The following MYH14 variants were observed in gnomAD, a reference collection of about 807,000 sequenced individuals.
MYH14 encodes the protein myosin heavy chain 14, also known as myosin-14.
MYH14 carries 123 observed loss-of-function variants against 255.5 expected under a neutral mutation model. The observed-to-expected ratio is 0.48, with a 90% CI of 0.42 to 0.56. MYH14 has a LOEUF of 0.56. Among genes scored for constraint, MYH14 ranks in the 20% least tolerant of loss-of-function variants. The pLI, the probability that MYH14 is intolerant of heterozygous loss-of-function variation, is 0.00. For missense variants in MYH14, 2,423 were observed against 2,802.3 expected (o/e 0.86, Z 3.06); for synonymous variants, 1,095 against 1,161.2 (o/e 0.94, Z 1.16).
chr19:50,210,226 A>T, intron 1 of MYH14, 137 bp from the exon 2 acceptor site: 1 of 714,090 alleles, frequency 1.4e-6, no homozygotes, highest in Non-Finnish European at 2.2e-6. Flanking sequence ...TGGGTCTGTT[A>T]ACCCACTTTG....
At position 50,261,485 on chromosome 19, in the gene MYH14, TG is replaced by T; in HGVS notation, c.2437del (p.Glu813AsnfsTer30). The T allele has an allele frequency of 7.4e-7, 1 of 1,343,482 alleles. No homozygotes were observed. Among genetic ancestry groups the T allele is most frequent in the Non-Finnish European group, 9.6e-7 (1 of 1,036,358 alleles). 83.2% of individuals were successfully genotyped at this position (1,343,482 alleles called of 1,614,324 possible). On this transcript the variant is annotated frameshift_variant, in exon 21 of 43. Coordinates refer to ENST00000642316, the MANE Select transcript of MYH14 (RefSeq NM_001145809.2). LOFTEE classifies it high-confidence loss of function. ...TCCCACCCCTCACAGATCCAGGCGC[TG>T]GAACTGGACCCCAACCTCTACCGCG... ...KQACEKMIQA[L>X]ELDPNLYRVG...
rs747712174 is a variant in MYH14 at position 50,293,724 on chromosome 19, C to G, written c.5469+37C>G. The G allele has an allele frequency of 6.6e-7, 1 of 1,522,386 alleles. No individual in the cohort carries two copies. The allele number at this position is 1,522,386 out of a possible 1,614,324, so 94.3% of individuals were successfully genotyped here. A position where few individuals can be genotyped will look rare whatever the true frequency, so the allele number is the denominator to read the frequency against. On this transcript the variant is annotated intron_variant, in intron 39 of 42. Coordinates refer to ENST00000642316, the MANE Select transcript of MYH14 (RefSeq NM_001145809.2). The surrounding 1 kb of genome is among the most constrained non-coding windows in gnomAD (Gnocchi z 4.1). ...TGACCGCCCCCACCAGCCTCAGTCC[C>G]CATTGACCTGGGACCGTAACCTTCA...
Position 50,230,133 on chromosome 19 carries a change from G to C in MYH14, c.875-392G>C, listed in dbSNP as rs2033302300. ...TTGCCATGTTGGCCAGGCTGGTCTT[G>C]AACTCCTGACCTCAGGTGATCCGCC... On this transcript the variant is annotated intron_variant, in intron 8 of 42. Coordinates refer to ENST00000642316, the MANE Select transcript of MYH14 (RefSeq NM_001145809.2). This position sits in a 1 kb window ranked among gnomAD's most constrained non-coding sequence, Gnocchi z 4.7. Among the ~76,000 whole-genome samples, 1 of 152,176 alleles carries C rather than the reference G, an allele frequency of 6.6e-6. No individual in the cohort carries two copies. The highest frequency in any genetic ancestry group is 6.5e-5 in the Admixed American group (1 of 15,270).
intron 16 of MYH14, among the ~76,000 whole-genome samples, chr19:50,253,720 T>G (rs768497352): frequency 2.0e-5 from 3 of 152,150 alleles, no homozygotes; most frequent in African/African-American, 4.8e-5. Flanking sequence ...GTGGTAGGAC[T>G]CTGACCTTTT....
At chr19:50,226,686 G>A (rs1354357817) in intron 7 of MYH14, among the ~76,000 whole-genome samples, 1 of 152,136 alleles carries the variant, frequency 6.6e-6, no homozygotes, top group African/African-American at 2.4e-5. Context: ...TGGGGACCAG[G>A]GGGCTGGGGA....
At position 50,280,261 on chromosome 19, in the gene MYH14, T is replaced by C. The variant is rs1295747993; in HGVS notation, c.4168T>C (p.Leu1390=). The change falls in exon 32 of 43, where the codon TTG becomes CTG. Residue 1390 remains leucine, a synonymous_variant. Coordinates refer to ENST00000642316, the MANE Select transcript of MYH14 (RefSeq NM_001145809.2). This position sits in a 1 kb window ranked among gnomAD's most constrained non-coding sequence, Gnocchi z 4.8. ...GCTGCAGGAGGAGACCAGGGCGAAA[T>C]TGGCCTTGGGGTCCCGGGTGCGAGC... ...ELLQEETRAK[L]ALGSRVRAME... The C allele has an allele frequency of 3.2e-6, 5 of 1,551,572 alleles. No homozygotes were observed. Among genetic ancestry groups the C allele is most frequent in the East Asian group, 2.4e-5 (1 of 40,934 alleles).
At chr19:50,260,811 G>A (rs1187415300) in intron 20 of MYH14, 96 bp downstream of exon 20, 13 of 873,180 alleles carry the variant, frequency 1.5e-5, no homozygotes, top group East Asian at 5.7e-5. Flanking sequence ...GTGTGCATGC[G>A]TGTGTGTGCA....
At chr19:50,243,087 C>T (rs909358842) in intron 10 of MYH14, among the ~76,000 whole-genome samples, 22 of 152,098 alleles carry the variant, frequency 1.4e-4, no homozygotes, top group African/African-American at 4.1e-4. Flanking sequence ...GAGTTCTGTG[C>T]GAATGAGTCA....
Position 50,268,253 on chromosome 19 carries a change from C to CT in MYH14, c.2919_2920insT (p.Arg974SerfsTer45). The CT allele has an allele frequency of 6.4e-7, 1 of 1,571,428 alleles. No homozygotes were observed. The highest frequency in any genetic ancestry group is 8.6e-7 in the Non-Finnish European group (1 of 1,159,026). On this transcript the variant is annotated frameshift_variant, in exon 24 of 43. Transcript: ENST00000642316. LOFTEE classifies it high-confidence loss of function. ...AGGAGACGCGGGGGAGGCTGGCAGCCCGCAAGCAGGAGCTGGAGCTGGTGG... is the reference window on the plus strand; with the variant it reads ...AGGAGACGCGGGGGAGGCTGGCAGCCTCGCAAGCAGGAGCTGGAGCTGGTGG...
chr19:50,244,180 G>T, intron 10 of MYH14, 62 bp from the exon 11 acceptor site: 6 of 1,432,168 alleles, frequency 4.2e-6, no homozygotes, highest in Non-Finnish European at 9.8e-7. Flanking sequence ...TGTTTAAGGG[G>T]CCAGTTAAGA....
rs959759669 is a variant in MYH14, at chr19:50,261,610, G to A, written c.2560G>A (p.Ala854Thr). 6.2e-7 allele frequency: 1 copy of A among 1,601,480 alleles called. No individual in the cohort carries two copies. Among genetic ancestry groups the A allele is most frequent in the Non-Finnish European group, 8.5e-7 (1 of 1,175,178 alleles). ...VTDIIVSFQAAARGYLARRAF... is the reference protein window; with the variant it reads ...VTDIIVSFQATARGYLARRAF... Reference sequence around the variant, plus strand: ...CGACATCATCGTCTCCTTCCAGGCAGCTGCCCGGGGATACCTGGCTCGCAG... The same window carrying A: ...CGACATCATCGTCTCCTTCCAGGCAACTGCCCGGGGATACCTGGCTCGCAG... The change falls in exon 21 of 43, where the codon GCT becomes ACT. Residue 854 changes from alanine to threonine, a missense_variant. This residue lies in a region of MYH14 where 1,513 missense variants were observed against 1,674.8 expected (regional missense o/e 0.90). Transcript: ENST00000642316.
chr19:50,224,091 G>C, intron 5 of MYH14, 63 bp from the exon 6 acceptor site: 1 of 1,416,304 alleles, frequency 7.1e-7, no homozygotes, highest in Non-Finnish European at 9.9e-7. Flanking sequence ...GTTCACCTGT[G>C]TGTCTGTCCA....
Position 50,276,671 on chromosome 19 carries a change from T to A in MYH14, c.3681-86T>A. Reference sequence around the variant, plus strand: ...GAGGCCCTCATATTTTAAGGAAACATGAAAAGGAGAAACAACCAGCTCCCC... The same window carrying A: ...GAGGCCCTCATATTTTAAGGAAACAAGAAAAGGAGAAACAACCAGCTCCCC... On this transcript the variant is annotated intron_variant, in intron 28 of 42. Transcript: ENST00000642316. The surrounding 1 kb of genome is among the most constrained non-coding windows in gnomAD (Gnocchi z 4.3). 6.4e-7 allele frequency: 1 copy of A among 1,560,686 alleles called. No homozygotes were observed. Among genetic ancestry groups the A allele is most frequent in the Non-Finnish European group, 8.8e-7 (1 of 1,135,506 alleles).
At chr19:50,274,151 T>C (rs1374031896) in intron 27 of MYH14, among the ~76,000 whole-genome samples, 2 of 152,242 alleles carry the variant, frequency 1.3e-5, no homozygotes, top group African/African-American at 4.8e-5. Context: ...CGGATGTTTC[T>C]GTTACTACTT....
chr19:50,235,780 C>G (rs1205102079), intron 10 of MYH14, among the ~76,000 whole-genome samples: 1 of 151,906 alleles, frequency 6.6e-6, no homozygotes, highest in Non-Finnish European at 1.5e-5. Flanking sequence ...GAGACCCCAT[C>G]TCAAAACACC....
chr19:50,284,787 C>T (rs903230008), intron 33 of MYH14: 1 of 152,008 alleles, frequency 6.6e-6, no homozygotes, highest in African/African-American at 2.4e-5. Context: ...GCTATCATGG[C>T]TCCATGTTAA....
intron 39 of MYH14, among the ~76,000 whole-genome samples, chr19:50,300,383 G>A (rs2036438429): frequency 6.6e-6 from 1 of 152,146 alleles, no homozygotes; most frequent in Non-Finnish European, 1.5e-5. Flanking sequence ...AATAAAACTA[G>A]CAGAATATTT....
At chr19:50,207,324 G>A (rs2031864144) in intron 1 of MYH14, among the ~76,000 whole-genome samples, 1 of 94,316 alleles carries the variant, frequency 1.1e-5, no homozygotes, top group Admixed American at 1.1e-4. Context: ...ACTAGGGGCA[G>A]ACTTCTTTAG....
chr19:50,309,345 T>C, intron 42 of MYH14, 168 bp downstream of exon 42: 1 of 683,736 alleles, frequency 1.5e-6, no homozygotes, highest in Non-Finnish European at 2.5e-6. Flanking sequence ...TCCAGGTAAC[T>C]TCTTTCTTCC....
Sources: allele counts gnomAD v4.1 joint callset (sites outside exome capture counted in the v4.1 genomes callset), GRCh38; gene constraint gnomAD v4.1.1; regional missense constraint gnomAD v4.1.1; non-coding constraint Gnocchi (gnomAD v3.1); transcripts MANE v1.5; gene names NCBI Gene and HGNC (gene_info 2026-07-23, HGNC 2026-07-21).